The following BRAP variants were observed in gnomAD, a reference collection of about 807,000 sequenced individuals.
The protein encoded by BRAP is BRCA1-associated protein.
In BRAP, 42 loss-of-function variants were observed where a neutral mutation model predicts 73.4. That is an observed-to-expected ratio of 0.57 (90% CI 0.45 to 0.74). The LOEUF is 0.74. Ranked by LOEUF, BRAP falls within the 30% of genes least tolerant of loss-of-function variation. The pLI is 0.00. For synonymous variants in BRAP, 255 were observed against 267.4 expected, an observed-to-expected ratio of 0.95 and a Z score of 0.45; for missense variants, 593 against 751.4, an observed-to-expected ratio of 0.79 and a Z score of 2.46.
Position 111,644,477 on chromosome 12 carries a change from G to C in BRAP, c.1501C>G (p.Gln501Glu). ...QEMNKCLRAN[Q>E]VLLQNKLKEE... is the part of the protein sequence containing the mutation. The stretch of plus-strand genomic sequence containing the variant: ...TTTAGCTTGTTCTGCAGGAGGACTT[G>C]GTTGGCTCGCAAACACTTGTTCATT... Residue 501 changes from glutamine to glutamate, a missense_variant, in exon 12 of 12, where the codon CAA becomes GAA. By Grantham distance (29) the Gln-to-Glu change is conservative. This residue lies in a region of BRAP where 143 missense variants were observed against 190.4 expected (regional missense o/e 0.75). Coordinates refer to ENST00000419234, the MANE Select transcript of BRAP (RefSeq NM_006768.5). The C allele has an allele frequency of 6.2e-7, 1 of 1,614,120 alleles. No individual in the cohort carries two copies. Among genetic ancestry groups the C allele is most frequent in the Non-Finnish European group, 8.5e-7 (1 of 1,180,006 alleles).
intron 5 of BRAP, 135 bp downstream of exon 5, chr12:111,672,526 C>T (rs563463760): frequency 2.8e-6 from 2 of 709,434 alleles, no homozygotes; most frequent in Admixed American, 2.9e-5. Flanking sequence ...TTCGTCTCTT[C>T]CTGCCCTGAT....
At chr12:111,678,316 C>T (rs1887465097) in intron 4 of BRAP, among the ~76,000 whole-genome samples, 1 of 149,596 alleles carries the variant, frequency 6.7e-6, no homozygotes, top group Non-Finnish European at 1.5e-5. Context: ...GTGTTAACTT[C>T]AAAAAGTCTG....
At chr12:111,672,836 T>TTCTAA in intron 4 of BRAP, 62 bp from the exon 5 acceptor site, 1 of 1,275,822 alleles carries the variant, frequency 7.8e-7, no homozygotes, top group South Asian at 1.2e-5. Flanking sequence ...ATCTGCTTTA[T>TTCTAA]ATTCAATATG....
At chr12:111,654,292 T>C (rs937393153) in intron 10 of BRAP, among the ~76,000 whole-genome samples, 1 of 152,038 alleles carries the variant, frequency 6.6e-6, no homozygotes, top group Admixed American at 6.6e-5. Context: ...CAATAACTTT[T>C]AACTGCAGAT....
intron 5 of BRAP, among the ~76,000 whole-genome samples, chr12:111,671,713 G>C (rs565962960): frequency 6.8e-6 from 1 of 146,300 alleles, no homozygotes; most frequent in African/African-American, 2.5e-5. Context: ...TTGAGACAGG[G>C]TCTCACTGTT....
At chr12:111,674,940 G>C (rs550570570) in intron 4 of BRAP, among the ~76,000 whole-genome samples, 93 of 152,254 alleles carry the variant, frequency 6.1e-4, no homozygotes, top group South Asian at 5.0e-3. Flanking sequence ...AGCCCTCTTG[G>C]GGTCTAGAGC....
intron 1 of BRAP, among the ~76,000 whole-genome samples, chr12:111,685,413 T>G (rs906396148): frequency 2.6e-5 from 4 of 152,052 alleles, no homozygotes; most frequent in African/African-American, 7.2e-5. Context: ...ACGAAGCCCA[T>G]AGGGAAGCAA....
intron 4 of BRAP, among the ~76,000 whole-genome samples, chr12:111,678,360 G>C (rs1257335530): frequency 4.0e-5 from 6 of 150,676 alleles, no homozygotes; most frequent in South Asian, 4.2e-4. Flanking sequence ...GTTACCGCTT[G>C]TTTAAAAAAA....
In BRAP at chr12:111,665,608, G is replaced by C. The variant is rs1348294185; in HGVS notation, c.896+31C>G. 1 of 1,613,008 alleles carries C rather than the reference G, an allele frequency of 6.2e-7. No individual in the cohort carries two copies. Among genetic ancestry groups the C allele is most frequent in the Admixed American group, 1.7e-5 (1 of 59,994 alleles). ...ATTCTGGAAGGGTTGCAATGGGCTT[G>C]TACACAGAGGGGTTCGGCCCCTGCA... On this transcript the variant is annotated intron_variant, in intron 6 of 11. Transcript: ENST00000419234. This position sits in a 1 kb window ranked among gnomAD's most constrained non-coding sequence, Gnocchi z 4.3.
chr12:111,659,033 A>G (rs368137601), intron 8 of BRAP, among the ~76,000 whole-genome samples, 174 bp downstream of exon 8: 6 of 152,294 alleles, frequency 3.9e-5, no homozygotes, highest in African/African-American at 1.4e-4. Context: ...CTCCCTTTAT[A>G]ATGTGTGATT....
rs776887597 is a variant in BRAP at position 111,681,627 on chromosome 12, G to A, written c.443+10C>T. The A allele has an allele frequency of 1.3e-5, 21 of 1,566,966 alleles. No individual in the cohort carries two copies. The South Asian group carries it at 2.1e-4, about 15-fold the overall frequency. ...ATTGACTAACCCCCAAGAAAAGAGG[G>A]TTTTCTTACTTTGTCTTATATAGGT... On this transcript the variant is annotated intron_variant, in intron 3 of 11. Coordinates refer to ENST00000419234, the MANE Select transcript of BRAP (RefSeq NM_006768.5).
At chr12:111,661,478 CCT>C (rs1886752310) in intron 6 of BRAP, among the ~76,000 whole-genome samples, 1 of 151,842 alleles carries the variant, frequency 6.6e-6, no homozygotes, top group Non-Finnish European at 1.5e-5. Flanking sequence ...GGGGTTTCTC[CCT>C]GTTGGTCAGG....
chr12:111,678,711 C>T (rs1202224148), intron 4 of BRAP, among the ~76,000 whole-genome samples: 4 of 125,502 alleles, frequency 3.2e-5, no homozygotes, highest in African/African-American at 9.3e-5. Context: ...TTTTTTGAGA[C>T]GGAGTCTCAC....
chr12:111,663,961 G>T (rs559180585), intron 6 of BRAP, among the ~76,000 whole-genome samples: 3 of 152,096 alleles, frequency 2.0e-5, no homozygotes, highest in Non-Finnish European at 4.4e-5. Context: ...TGAGGTTGTT[G>T]GAAAAAATGG....
In BRAP at chr12:111,681,789, G is replaced by A. The variant is rs752162495; in HGVS notation, c.291C>T (p.Ser97=). The A allele has an allele frequency of 6.2e-6, 10 of 1,613,412 alleles. No individual in the cohort carries two copies. In the South Asian group the frequency reaches 1.1e-4, roughly 18 times the overall value. The change falls in exon 3 of 12, where the codon TCC becomes TCT. Residue 97 remains serine (S), a synonymous_variant. Transcript: ENST00000419234. Reference sequence around the variant, plus strand: ...GATCTTTACTTCTTTGCGCAGTGGGGGAGGCTTCTGAAGACTTCCTTTCTT... The same window carrying A: ...GATCTTTACTTCTTTGCGCAGTGGGAGAGGCTTCTGAAGACTTCCTTTCTT... ...TVEERKSSEA[S]PTAQRSKDHS...
At chr12:111,674,729 G>C (rs1403777439) in intron 4 of BRAP, among the ~76,000 whole-genome samples, 1 of 152,184 alleles carries the variant, frequency 6.6e-6, no homozygotes, top group East Asian at 1.9e-4. Flanking sequence ...CCAGCTGTTG[G>C]AGAAGAAGCC....
At chr12:111,648,027 C>G (rs1886173433) in intron 11 of BRAP, among the ~76,000 whole-genome samples, 1 of 152,004 alleles carries the variant, frequency 6.6e-6, no homozygotes, top group Admixed American at 6.6e-5. Flanking sequence ...TGGCCGAACA[C>G]AGTGGCTCAA....
At chr12:111,661,279 GT>G (rs144136043) in intron 6 of BRAP, among the ~76,000 whole-genome samples, 202 of 118,982 alleles carry the variant, frequency 1.7e-3, no homozygotes, top group Admixed American at 1.6e-3. Context: ...CTCCCAGCTT[GT>G]TTTTTTTTTT....
At chr12:111,675,687 T>C (rs1298373159) in intron 4 of BRAP, among the ~76,000 whole-genome samples, 3 of 151,914 alleles carry the variant, frequency 2.0e-5, no homozygotes, top group African/African-American at 7.3e-5. Flanking sequence ...CTGGCTTTTG[T>C]TTCCCTCTAG....
Sources: allele counts gnomAD v4.1 joint callset (sites outside exome capture counted in the v4.1 genomes callset), GRCh38; gene constraint gnomAD v4.1.1; regional missense constraint gnomAD v4.1.1; non-coding constraint Gnocchi (gnomAD v3.1); transcripts MANE v1.5; gene names NCBI Gene and HGNC (gene_info 2026-07-23, HGNC 2026-07-21).